ZNF154: variants seen among roughly 807,000 people sequenced by gnomAD.
ZNF154 encodes the protein zinc finger protein 154 (pHZ-92).
A neutral mutation model predicts 7.5 loss-of-function variants in ZNF154; 6 were observed. The observed-to-expected ratio is 0.80, with a 90% CI of 0.44 to 1.57. The LOEUF is 1.57. Ranked by LOEUF, ZNF154 falls within the 40% of genes most tolerant of loss-of-function variation. The pLI is 0.01. For missense variants in ZNF154, 485 were observed against 531.4 expected, an observed-to-expected ratio of 0.91 and a Z score of 0.86; for synonymous variants, 187 against 185.9, an observed-to-expected ratio of 1.01 and a Z score of -0.05.
Position 57,708,939 on chromosome 19 carries a change from C to G in ZNF154, c.33G>C (p.Gln11His). The G allele has an allele frequency of 6.4e-7, 1 of 1,561,254 alleles. No homozygotes were observed. Among genetic ancestry groups the G allele is most frequent in the Non-Finnish European group, 8.7e-7 (1 of 1,153,216 alleles). Residue 11 changes from glutamine to histidine, a missense_variant and splice_region_variant, in exon 1 of 3, where the codon CAG (glutamine) becomes CAC (histidine). Coordinates refer to ENST00000684351, the MANE Select transcript of ZNF154 (RefSeq NM_001085384.3). MAAATLRTPT[Q>H]GTVTFEDVAV... Reference sequence around the variant, plus strand: ...GAGGACGGGAAGACGCCGCACTCACCTGAGTTGGCGTCCTCAGAGTGGCCG... The same window carrying G: ...GAGGACGGGAAGACGCCGCACTCACGTGAGTTGGCGTCCTCAGAGTGGCCG...
rs2122380912 is a variant in ZNF154 at position 57,700,608 on chromosome 19, C to T, written c.*1027G>A. ...TACAGGACCTGGGGAACAGATTTCC[C>T]CCACTGGCACTGAACACGATGCAGT... On this transcript the variant is annotated 3_prime_UTR_variant, in exon 3 of 3. Coordinates refer to ENST00000684351, the MANE Select transcript of ZNF154 (RefSeq NM_001085384.3). 6.6e-6 allele frequency: 1 copy of T among 152,266 alleles called. No individual in the cohort carries two copies. Among genetic ancestry groups the T allele is most frequent in the African/African-American group, 2.4e-5 (1 of 41,538 alleles). 9.4% of individuals were successfully genotyped at this position (152,266 alleles called of 1,614,324 possible). A position where few individuals can be genotyped will look rare whatever the true frequency, so the allele number is the denominator to read the frequency against.
intron 1 of ZNF154, among the ~76,000 whole-genome samples, 183 bp downstream of exon 1, chr19:57,708,756 G>T (rs976986458): frequency 6.6e-6 from 1 of 152,090 alleles, no homozygotes; most frequent in African/African-American, 2.4e-5. Flanking sequence ...GCACGCGCCG[G>T]TTCCTCCGCC....
intron 1 of ZNF154, among the ~76,000 whole-genome samples, chr19:57,708,352 G>C (rs1433138440): frequency 6.6e-6 from 1 of 152,184 alleles, no homozygotes; most frequent in Non-Finnish European, 1.5e-5. Flanking sequence ...AGGATCACTT[G>C]TCAGGAGTTC....
Position 57,709,099 on chromosome 19 carries a change from G to T in ZNF154, c.-128C>A. The T allele has an allele frequency of 7.7e-7, 1 of 1,305,716 alleles. No homozygotes were observed. The highest frequency in any genetic ancestry group is 1.1e-6 in the Non-Finnish European group (1 of 935,570). The allele number at this position is 1,305,716 out of a possible 1,614,324, so 80.9% of individuals were successfully genotyped here. A position where few individuals can be genotyped will look rare whatever the true frequency, so the allele number is the denominator to read the frequency against. On this transcript the variant is annotated 5_prime_UTR_variant, in exon 1 of 3. Coordinates refer to ENST00000684351, the MANE Select transcript of ZNF154 (RefSeq NM_001085384.3). ...GCGTCGCCAAGGCTTAGACGCTTTC[G>T]TGCAGGAGGGACGACGACTCCCCTC...
intron 2 of ZNF154, among the ~76,000 whole-genome samples, chr19:57,703,151 G>T (rs1985249343): frequency 6.6e-6 from 1 of 152,156 alleles, no homozygotes; most frequent in Non-Finnish European, 1.5e-5. Context: ...AGTAGAGTTG[G>T]GTTCAGTTGC....
chr19:57,703,264 G>A (rs1452524128), intron 2 of ZNF154, among the ~76,000 whole-genome samples: 1 of 151,958 alleles, frequency 6.6e-6, no homozygotes, highest in African/African-American at 2.4e-5. Context: ...AAGGTGGGTG[G>A]ATCACAAAGT....
chr19:57,704,087 A>AG (rs1244622389), intron 2 of ZNF154, among the ~76,000 whole-genome samples: 1 of 152,198 alleles, frequency 6.6e-6, no homozygotes, highest in Non-Finnish European at 1.5e-5. Context: ...TGTAGCAGTG[A>AG]GAAAAACAGA....
At chr19:57,705,753 C>CAA (rs34250674) in intron 1 of ZNF154, among the ~76,000 whole-genome samples, 32 of 86,346 alleles carry the variant, frequency 3.7e-4, no homozygotes, top group South Asian at 8.3e-4. Context: ...GACTCCGTCT[C>CAA]AAAAAAAAAA....
chr19:57,708,251 AAC>A (rs1283164106), intron 1 of ZNF154, among the ~76,000 whole-genome samples: 2 of 152,272 alleles, frequency 1.3e-5, no homozygotes, highest in Non-Finnish European at 2.9e-5. Context: ...TCTTCCTGTG[AAC>A]AGTCTTTGGA....
rs1263462010 is a variant in ZNF154 at position 57,697,531 on chromosome 19, T to C, written c.*4104A>G. On this transcript the variant is annotated 3_prime_UTR_variant, in exon 3 of 3. Transcript: ENST00000684351. ...AAAATGATCTTCCTTAAGAAACACA[T>C]TGTTTTAGACAACTGAGAAAACAGA... 2 of 152,224 alleles carry C rather than the reference T, an allele frequency of 1.3e-5. No homozygotes were observed. The highest frequency in any genetic ancestry group is 2.9e-5 in the Non-Finnish European group (2 of 68,036). The allele number at this position is 152,224 out of a possible 1,614,324, so 9.4% of individuals were successfully genotyped here. A position where few individuals can be genotyped will look rare whatever the true frequency, so the allele number is the denominator to read the frequency against.
At position 57,696,408 on chromosome 19, in the gene ZNF154, C is replaced by T. The variant is rs1984897153; in HGVS notation, c.*5227G>A. The stretch of plus-strand genomic sequence containing the variant: ...GGGGATAGTGCTCGGCCCTGCTTAC[C>T]ACCTGCCTACCACACCTTTTGCCAG... On this transcript the variant is annotated 3_prime_UTR_variant, in exon 3 of 3. Coordinates refer to ENST00000684351, the MANE Select transcript of ZNF154 (RefSeq NM_001085384.3). 6.6e-6 allele frequency among the ~76,000 whole-genome samples: 1 copy of T among 152,142 alleles called. No homozygotes were observed. Among genetic ancestry groups the T allele is most frequent in the African/African-American group, 2.4e-5 (1 of 41,436 alleles).
At position 57,704,992 on chromosome 19, in the gene ZNF154, G is replaced by C. The variant is rs1224124815; in HGVS notation, c.34-13C>G. On this transcript the variant is annotated splice_polypyrimidine_tract_variant and intron_variant, in intron 1 of 2. Coordinates refer to ENST00000684351, the MANE Select transcript of ZNF154 (RefSeq NM_001085384.3). ...AGGTCACAGTGCCCTGCCACAATGG[G>C]AACAGATGAAACCACCAAGAGCCCC... 1 of 1,601,002 alleles carries C rather than the reference G, an allele frequency of 6.2e-7. No homozygotes were observed. The highest frequency in any genetic ancestry group is 1.8e-5 in the Admixed American group (1 of 56,106).
chr19:57,708,934 C>G lies in ZNF154; in HGVS notation c.33+5G>C, dbSNP rs893020281. On this transcript the variant is annotated splice_donor_5th_base_variant and intron_variant, in intron 1 of 2. Coordinates refer to ENST00000684351, the MANE Select transcript of ZNF154 (RefSeq NM_001085384.3). ...TGTGTGAGGACGGGAAGACGCCGCA[C>G]TCACCTGAGTTGGCGTCCTCAGAGT... 6 of 1,561,168 alleles carry G rather than the reference C, an allele frequency of 3.8e-6. No homozygotes were observed. The highest frequency in any genetic ancestry group is 5.2e-6 in the Non-Finnish European group (6 of 1,153,128).
chr19:57,707,069 C>T (rs961956481), intron 1 of ZNF154, among the ~76,000 whole-genome samples: 8 of 144,922 alleles, frequency 5.5e-5, no homozygotes, highest in African/African-American at 7.9e-5. Flanking sequence ...GCCAAGCTCG[C>T]GCCATTGCAC....
rs368361974 is a variant in ZNF154 at position 57,702,335 on chromosome 19, A to G, written c.614T>C (p.Ile205Thr). 1 of 1,612,814 alleles carries G rather than the reference A, an allele frequency of 6.2e-7. No homozygotes were observed. The highest frequency in any genetic ancestry group is 1.7e-5 in the Admixed American group (1 of 59,970). Residue 205 changes from isoleucine to threonine, a missense_variant, in exon 3 of 3, where the codon ATT becomes ACT. Physicochemically the swap from Ile to Thr is moderately conservative, Grantham distance 89 (BLOSUM62 -1). Transcript: ENST00000684351. ...GKSFRQSSSL[I>T]QHRRVHTAVR... ...TGCAGTGTGAACTCTCCGGTGCTGA[A>G]TGAGACTAGAGCTTTGCCTAAAGGA...
rs1015486958 is a variant in ZNF154, at chr19:57,699,121, T to A, written c.*2514A>T. 6.6e-6 allele frequency: 1 copy of A among 151,922 alleles called. No homozygotes were observed. Among genetic ancestry groups the A allele is most frequent in the Non-Finnish European group, 1.5e-5 (1 of 68,146 alleles). 9.4% of individuals were successfully genotyped at this position (151,922 alleles called of 1,614,324 possible). On this transcript the variant is annotated 3_prime_UTR_variant, in exon 3 of 3. Coordinates refer to ENST00000684351, the MANE Select transcript of ZNF154 (RefSeq NM_001085384.3). ...TTTTTTGAGACGGAGTCTTGTTTTGTCTGTCGTCCAGGCTGGAGTGCAGTG... is the reference window on the plus strand; with the variant it reads ...TTTTTTGAGACGGAGTCTTGTTTTGACTGTCGTCCAGGCTGGAGTGCAGTG...
chr19:57,708,914 G>A (rs1317458505), intron 1 of ZNF154, 25 bp downstream of exon 1: 4 of 1,557,740 alleles, frequency 2.6e-6, no homozygotes, highest in Non-Finnish European at 3.5e-6. Context: ...GAAGGTGTGT[G>A]AGGACGGGAA....
chr19:57,706,628 T>C (rs532158897), intron 1 of ZNF154, among the ~76,000 whole-genome samples: 1 of 152,330 alleles, frequency 6.6e-6, no homozygotes, highest in African/African-American at 2.4e-5. Context: ...TTATATCCAC[T>C]CTTCCCTTGA....
chr19:57,698,472 C>T lies in ZNF154; in HGVS notation c.*3163G>A, dbSNP rs548084240. 39 of 152,234 alleles carry T rather than the reference C, an allele frequency of 2.6e-4. No individual in the cohort carries two copies. Among genetic ancestry groups the T allele is most frequent in the African/African-American group, 9.1e-4 (38 of 41,538 alleles). 9.4% of individuals were successfully genotyped at this position (152,234 alleles called of 1,614,324 possible). ...ATTAGGATGCTATCAGCAACTCTTC[C>T]CAATTCTACATTCAGTAACATGTTG... On this transcript the variant is annotated 3_prime_UTR_variant, in exon 3 of 3. Coordinates refer to ENST00000684351, the MANE Select transcript of ZNF154 (RefSeq NM_001085384.3).
Sources: allele counts gnomAD v4.1 joint callset (sites outside exome capture counted in the v4.1 genomes callset), GRCh38; gene constraint gnomAD v4.1.1; transcripts MANE v1.5; gene names NCBI Gene and HGNC (gene_info 2026-07-23, HGNC 2026-07-21).